The following CELF2 variants were observed in gnomAD, a reference collection of about 807,000 sequenced individuals.
CELF2 encodes the protein CUGBP Elav-like family member 2.
A neutral mutation model predicts 62.6 loss-of-function variants in CELF2; 8 were observed. That is an observed-to-expected ratio of 0.13 (90% CI 0.07 to 0.23). The LOEUF is 0.23. Among genes scored for constraint, CELF2 ranks in the 10% least tolerant of loss-of-function variants. CELF2 has a pLI of 1.00. For synonymous variants in CELF2, 258 were observed against 250.0 expected, an observed-to-expected ratio of 1.03 and a Z score of -0.30; for missense variants, 333 against 671.0, an observed-to-expected ratio of 0.50 and a Z score of 5.56.
chr10:11,000,830 G>A (rs551228649), upstream of CELF2, among the ~76,000 whole-genome samples: 1 of 152,348 alleles, frequency 6.6e-6, no homozygotes, highest in Admixed American at 6.5e-5. Context: ...GCAGAGCATG[G>A]AACTGGGGTC....
At chr10:11,293,440 T>C (rs2092775237) in intron 9 of CELF2, among the ~76,000 whole-genome samples, 1 of 152,224 alleles carries the variant, frequency 6.6e-6, no homozygotes, top group South Asian at 2.1e-4. Flanking sequence ...CTAGTTAGGA[T>C]TGATCACTTC....
chr10:10,903,738 G>A (rs963646238), intron 1 of CELF2, among the ~76,000 whole-genome samples: 6 of 152,220 alleles, frequency 3.9e-5, no homozygotes, highest in Admixed American at 3.3e-4. Context: ...TCCTGGTGGT[G>A]AGTGAAGGGC....
intron 1 of CELF2, 75 bp downstream of exon 1, chr10:11,018,238 C>G: frequency 2.3e-6 from 3 of 1,316,420 alleles, no homozygotes; most frequent in Non-Finnish European, 3.1e-6. Flanking sequence ...AGGGGACGGG[C>G]GTCGCCCGCA....
intron 1 of CELF2, among the ~76,000 whole-genome samples, chr10:11,104,445 C>T (rs1026568061): frequency 6.6e-6 from 1 of 152,198 alleles, no homozygotes; most frequent in African/African-American, 2.4e-5. Context: ...GATCCTAACA[C>T]TTTGGAAGGC....
chr10:10,898,574 A>G (rs973029418), intron 1 of CELF2, among the ~76,000 whole-genome samples: 3 of 152,216 alleles, frequency 2.0e-5, no homozygotes, highest in Non-Finnish European at 4.4e-5. Context: ...CTAATCAAGA[A>G]GATGTCGTAA....
chr10:10,730,258 C>G, the CELF2 span, among the ~76,000 whole-genome samples: 2 of 152,164 alleles, frequency 1.3e-5, no homozygotes, highest in Non-Finnish European at 2.9e-5. Context: ...AGGTGGATCA[C>G]TTGAGGCCGG....
chr10:11,120,968 G>T (rs911190766), intron 1 of CELF2, among the ~76,000 whole-genome samples: 1 of 152,148 alleles, frequency 6.6e-6, no homozygotes, highest in African/African-American at 2.4e-5. Context: ...ATTTGCAGAC[G>T]TGCCAAGAGC....
At chr10:10,781,478 G>T in the CELF2 span, among the ~76,000 whole-genome samples, 5 of 152,188 alleles carry the variant, frequency 3.3e-5, no homozygotes, top group Admixed American at 3.3e-4. Flanking sequence ...AGGAGCAAAG[G>T]CACGTCTTAC....
chr10:10,699,563 AT>A, the CELF2 span, among the ~76,000 whole-genome samples: 2 of 152,140 alleles, frequency 1.3e-5, no homozygotes, highest in Non-Finnish European at 2.9e-5. Context: ...CATCATGGTG[AT>A]TTGCAGTTAT....
chr10:10,672,129 A>T, the CELF2 span, among the ~76,000 whole-genome samples: 1 of 152,224 alleles, frequency 6.6e-6, no homozygotes, highest in Non-Finnish European at 1.5e-5. Flanking sequence ...TTCTTTATAT[A>T]TTTTATATAG....
intron 1 of CELF2, among the ~76,000 whole-genome samples, chr10:10,852,399 T>G (rs749514740): frequency 7.2e-5 from 11 of 152,230 alleles, no homozygotes; most frequent in Non-Finnish European, 1.6e-4. Flanking sequence ...GACAAAATTA[T>G]TTATTAAAAC....
chr10:10,613,484 A>G, the CELF2 span, among the ~76,000 whole-genome samples: 1 of 152,228 alleles, frequency 6.6e-6, no homozygotes, highest in African/African-American at 2.4e-5. Flanking sequence ...ATAAACTCAT[A>G]AGAGAATGCT....
At chr10:10,620,358 G>A in the CELF2 span, among the ~76,000 whole-genome samples, 30 of 147,358 alleles carry the variant, frequency 2.0e-4, no homozygotes, top group South Asian at 6.3e-3. Flanking sequence ...CAGGAGAATC[G>A]CTTGAACCCA....
chr10:11,185,832 T>A (rs2074720624), intron 2 of CELF2, among the ~76,000 whole-genome samples: 1 of 152,242 alleles, frequency 6.6e-6, no homozygotes, highest in African/African-American at 2.4e-5. Flanking sequence ...GGTTTTGGTA[T>A]AATGGCAATC....
chr10:11,248,653 A>T (rs372312327), intron 3 of CELF2, among the ~76,000 whole-genome samples: 2 of 152,278 alleles, frequency 1.3e-5, no homozygotes, highest in African/African-American at 4.8e-5. Flanking sequence ...TTATAATGAT[A>T]CAATAACAAT....
chr10:11,213,848 A>G (rs1385394136), intron 2 of CELF2, among the ~76,000 whole-genome samples: 1 of 152,260 alleles, frequency 6.6e-6, no homozygotes, highest in African/African-American at 2.4e-5. Context: ...TGAATGCTGA[A>G]CAAAGCATAA....
chr10:10,720,606 A>C, the CELF2 span, among the ~76,000 whole-genome samples: 33 of 152,250 alleles, frequency 2.2e-4, 1 homozygote, highest in Non-Finnish European at 5.9e-5. Context: ...CACAGCCTAT[A>C]GCGAACGCTG....
chr10:10,901,351 A>C (rs2062926986), intron 1 of CELF2, among the ~76,000 whole-genome samples: 1 of 152,222 alleles, frequency 6.6e-6, no homozygotes, highest in Non-Finnish European at 1.5e-5. Context: ...GAAAACCTAC[A>C]TATATAAAGC....
At chr10:10,494,282 C>T in the CELF2 span, among the ~76,000 whole-genome samples, 1 of 152,196 alleles carries the variant, frequency 6.6e-6, no homozygotes, top group African/African-American at 2.4e-5. Flanking sequence ...TTTTGAAATA[C>T]TGGAATTCAG....
Sources: gnomAD v4.1 joint callset for allele counts (sites outside exome capture counted in the v4.1 genomes callset) on GRCh38, gnomAD v4.1.1 for gene constraint, MANE v1.5 for transcripts, NCBI Gene and HGNC (gene_info 2026-07-23, HGNC 2026-07-21) for gene names.